Variants in TCFL5 observed in about 807,000 individuals in gnomAD.
The protein encoded by TCFL5 is transcription factor like 5.
In TCFL5, 9 loss-of-function variants were observed where a neutral mutation model predicts 44.3. That is an observed-to-expected ratio of 0.20 (90% CI 0.12 to 0.35). The LOEUF is 0.35. Ranked by LOEUF, TCFL5 falls within the 10% of genes least tolerant of loss-of-function variation. The probability of loss-of-function intolerance (pLI) is 1.00; values close to 1 mark genes in which losing one functional copy is unlikely to be tolerated. For missense variants in TCFL5, 603 were observed against 613.4 expected (o/e 0.98, Z 0.18); for synonymous variants, 319 against 271.6 (o/e 1.17, Z -1.72).
At chr20:62,851,863 G>A in intron 5 of TCFL5, 1 of 973,868 alleles carries the variant, frequency 1.0e-6, no homozygotes, top group Non-Finnish European at 1.2e-6. Context: ...AGGCTGCAGT[G>A]CAGTGGTGCT....
chr20:62,850,372 C>T (rs775400192), intron 5 of TCFL5, among the ~76,000 whole-genome samples: 4 of 152,088 alleles, frequency 2.6e-5, no homozygotes, highest in Non-Finnish European at 5.9e-5. Context: ...CCCCACCTGA[C>T]GCCCCCAGAA....
At chr20:62,852,202 C>T in intron 5 of TCFL5, 1 of 985,446 alleles carries the variant, frequency 1.0e-6, no homozygotes, top group Non-Finnish European at 1.2e-6. Context: ...AATTCCCCAA[C>T]AGCTTGGACC....
chr20:62,852,682 C>T (rs2063826707), intron 5 of TCFL5: 1 of 985,232 alleles, frequency 1.0e-6, no homozygotes. Flanking sequence ...TTCACCCGGT[C>T]CACAGAAGTA....
At chr20:62,859,727 GTTTT>G (rs918553945) in intron 2 of TCFL5, among the ~76,000 whole-genome samples, 130 of 136,600 alleles carry the variant, frequency 9.5e-4, no homozygotes, top group African/African-American at 3.5e-3. Flanking sequence ...TTGTTTTTTT[GTTTT>G]TTTTTTTGAG....
At chr20:62,852,125 G>C (rs1245397032) in intron 5 of TCFL5, 10 of 985,478 alleles carry the variant, frequency 1.0e-5, no homozygotes, top group Non-Finnish European at 1.2e-5. Flanking sequence ...TCTTGGAAGA[G>C]GTCCTTGTTT....
intron 5 of TCFL5, chr20:62,852,371 T>TGGAACTCGGGTCCGCC (rs1555829502): frequency 1.0e-6 from 1 of 977,074 alleles, no homozygotes; most frequent in African/African-American, 1.8e-5. Context: ...TCGGGTCCCC[T>TGGAACTCGGGTCCGCC]GAAGGCAGGG....
chr20:62,846,625 C>T (rs564197964), intron 5 of TCFL5, among the ~76,000 whole-genome samples: 1 of 151,892 alleles, frequency 6.6e-6, no homozygotes, highest in African/African-American at 2.4e-5. Flanking sequence ...AAGACGGGTG[C>T]GGTGGTGAGG....
rs552818051 is a variant in TCFL5, at chr20:62,845,761, C to G, written c.1381-3664G>C. The G allele has an allele frequency of 1.9e-5, 30 of 1,606,248 alleles. 1 individual carries two copies. In the South Asian group the frequency reaches 3.3e-4, roughly 18 times the overall value. ...CCCTGCCCATGCGGAGATAACTTCT[C>G]CATCACCAAGGAAGAGCTGGAGAAT... is the stretch of plus-strand genomic sequence containing the variant. On this transcript the variant is annotated intron_variant, in intron 5 of 5. Transcript: ENST00000335351.
chr20:62,856,992 C>T (rs1469727343), intron 4 of TCFL5, among the ~76,000 whole-genome samples: 2 of 152,198 alleles, frequency 1.3e-5, no homozygotes, highest in African/African-American at 4.8e-5. Context: ...TGGTCTCTAG[C>T]GAGCTTTCCT....
chr20:62,859,724 TTTG>T (rs912858987), intron 2 of TCFL5, among the ~76,000 whole-genome samples, 198 bp from the exon 3 acceptor site: 8 of 118,626 alleles, frequency 6.7e-5, no homozygotes, highest in East Asian at 2.6e-4. Context: ...TTTTTGTTTT[TTTG>T]TTTTTTTTTT....
chr20:62,861,796 C>G lies in TCFL5; in HGVS notation c.-126G>C, dbSNP rs2064020563. 2 of 147,682 alleles carry G rather than the reference C, an allele frequency of 1.4e-5. No individual in the cohort carries two copies. The highest frequency in any genetic ancestry group is 1.3e-4 in the Admixed American group (2 of 14,832). The allele number at this position is 147,682 out of a possible 1,614,324, so 9.1% of individuals were successfully genotyped here. Reference sequence around the variant, plus strand: ...CTCTGCGCCGGCCACAGCCGGCGCGCCGTTGGGGGAGGGAAAACCGCTGAG... The same window carrying G: ...CTCTGCGCCGGCCACAGCCGGCGCGGCGTTGGGGGAGGGAAAACCGCTGAG... On this transcript the variant is annotated 5_prime_UTR_variant, in exon 1 of 6. Coordinates refer to ENST00000335351, the MANE Select transcript of TCFL5 (RefSeq NM_006602.4). This position sits in a 1 kb window ranked among gnomAD's most constrained non-coding sequence, Gnocchi z 4.0.
chr20:62,861,410 C>A lies in TCFL5; in HGVS notation c.261G>T (p.Pro87=), dbSNP rs768935535. The A allele has an allele frequency of 1.8e-6, 2 of 1,110,646 alleles. No individual in the cohort carries two copies. Among genetic ancestry groups the A allele is most frequent in the South Asian group, 7.4e-5 (2 of 27,004 alleles). 68.8% of individuals were successfully genotyped at this position (1,110,646 alleles called of 1,614,324 possible). Residue 87 remains proline (P), a synonymous_variant, in exon 1 of 6, where the codon CCG becomes CCT. Transcript: ENST00000335351. The surrounding 1 kb of genome is among the most constrained non-coding windows in gnomAD (Gnocchi z 4.0). ...LNSALLAAAG[P]GAGAGGFAAG... The stretch of plus-strand genomic sequence containing the variant: ...CCGCGAAGCCGCCCGCGCCTGCGCC[C>A]GGGCCCGCCGCCGCCAGCAGCGCCG...
chr20:62,852,585 G>A (rs551226876), intron 5 of TCFL5: 2 of 984,464 alleles, frequency 2.0e-6, no homozygotes, highest in East Asian at 1.1e-4. Flanking sequence ...GCTGTCCTGA[G>A]GGACTGCATA....
intron 5 of TCFL5, chr20:62,852,209 G>A (rs944135544): frequency 1.4e-5 from 14 of 985,306 alleles, no homozygotes; most frequent in Middle Eastern, 5.2e-4. Flanking sequence ...CAACAGCTTG[G>A]ACCAGGTACA....
intron 5 of TCFL5, among the ~76,000 whole-genome samples, chr20:62,849,365 C>G (rs1232261414): frequency 6.6e-6 from 1 of 151,982 alleles, no homozygotes; most frequent in Admixed American, 6.6e-5. Flanking sequence ...TTAAAATTAC[C>G]AACAGTAAAT....
At chr20:62,844,066 C>T (rs1479669515) in intron 5 of TCFL5, among the ~76,000 whole-genome samples, 1 of 152,194 alleles carries the variant, frequency 6.6e-6, no homozygotes, top group African/African-American at 2.4e-5. Context: ...AGAAAAGCAT[C>T]CATTTGGGTC....
intron 5 of TCFL5, chr20:62,846,208 G>T: frequency 1.2e-6 from 1 of 859,972 alleles, no homozygotes. Context: ...ATCATCCTCA[G>T]ACATAACTAG....
chr20:62,843,265 G>A (rs556429502), intron 5 of TCFL5, among the ~76,000 whole-genome samples: 19 of 152,308 alleles, frequency 1.2e-4, no homozygotes, highest in Admixed American at 1.0e-3. Context: ...GTGGGCTCAC[G>A]GGAGATTCTG....
chr20:62,858,862 A>C (rs2093641272), intron 3 of TCFL5, among the ~76,000 whole-genome samples: 1 of 151,252 alleles, frequency 6.6e-6, no homozygotes, highest in Non-Finnish European at 1.5e-5. Flanking sequence ...TTTCCCAGGG[A>C]GGAAGGGACT....
Sources: allele counts gnomAD v4.1 joint callset (sites outside exome capture counted in the v4.1 genomes callset), GRCh38; gene constraint gnomAD v4.1.1; non-coding constraint Gnocchi (gnomAD v3.1); transcripts MANE v1.5; gene names NCBI Gene and HGNC (gene_info 2026-07-23, HGNC 2026-07-21).